Variants in RBM47 observed in about 807,000 individuals in gnomAD.
The protein encoded by RBM47 is RNA binding motif protein 47, also known as RNA-binding protein 47.
In RBM47, 21 loss-of-function variants were observed where a neutral mutation model predicts 47.1. That is an observed-to-expected ratio of 0.45 (90% CI 0.32 to 0.64). The LOEUF is 0.64. Ranked by LOEUF, RBM47 falls within the 30% of genes least tolerant of loss-of-function variation. The pLI is 0.05. For missense variants in RBM47, 708 were observed against 870.9 expected, an observed-to-expected ratio of 0.81 and a Z score of 2.35; for synonymous variants, 375 against 361.7, an observed-to-expected ratio of 1.04 and a Z score of -0.42.
chr4:40,555,703 C>T (rs967543651), intron 1 of RBM47, among the ~76,000 whole-genome samples: 3 of 152,220 alleles, frequency 2.0e-5, no homozygotes, highest in African/African-American at 7.2e-5. Flanking sequence ...TGCCTGCGGC[C>T]GCCACATCAT....
chr4:40,436,639 T>C lies in RBM47; in HGVS notation c.1132A>G (p.Ile378Val), dbSNP rs750466664. 2.5e-6 allele frequency: 4 copies of C among 1,613,916 alleles called. No individual in the cohort carries two copies. The highest frequency in any genetic ancestry group is 3.4e-6 in the Non-Finnish European group (4 of 1,179,934). The change falls in exon 5 of 7, where the codon ATA becomes GTA. Residue 378 changes from isoleucine (I) to valine (V), a missense_variant. Physicochemically the swap from Ile to Val is conservative, Grantham distance 29. Coordinates refer to ENST00000295971, the MANE Select transcript of RBM47 (RefSeq NM_001098634.2). ...GCTGCACCTCGCCCTCGGCCTCTTA[T>C]GCTGCCTGCTTGTAATAACAACACA... ...NRDYFVKAGS[I>V]RGRGRGAAGN...
rs963474879 is a variant in RBM47 at position 40,629,651 on chromosome 4, A to T, written c.-495T>A. ...CTTAACCTTGGAGACTTGCAGAGAG[A>T]AAGTCTCCAGGAGGACCGCTCCCCA... On this transcript the variant is annotated 5_prime_UTR_variant, in exon 1 of 7. Coordinates refer to ENST00000295971, the MANE Select transcript of RBM47 (RefSeq NM_001098634.2). 1.3e-5 allele frequency: 2 copies of T among 152,214 alleles called. No homozygotes were observed. Among genetic ancestry groups the T allele is most frequent in the African/African-American group, 4.8e-5 (2 of 41,438 alleles). 9.4% of individuals were successfully genotyped at this position (152,214 alleles called of 1,614,324 possible). A position where few individuals can be genotyped will look rare whatever the true frequency, so the allele number is the denominator to read the frequency against.
intron 3 of RBM47, among the ~76,000 whole-genome samples, chr4:40,439,606 T>C (rs1177102525): frequency 6.6e-6 from 1 of 152,218 alleles, no homozygotes; most frequent in African/African-American, 2.4e-5. Context: ...CTTGAAGAGC[T>C]AGACTGACTT....
chr4:40,595,250 C>T (rs1260411240), intron 1 of RBM47, among the ~76,000 whole-genome samples: 1 of 152,184 alleles, frequency 6.6e-6, no homozygotes, highest in Non-Finnish European at 1.5e-5. Context: ...ATTCCCAGCA[C>T]TTTGGGAGGC....
At chr4:40,440,679 C>A (rs1713485770) in intron 3 of RBM47, among the ~76,000 whole-genome samples, 1 of 152,156 alleles carries the variant, frequency 6.6e-6, no homozygotes, top group Non-Finnish European at 1.5e-5. Flanking sequence ...AGCCAGACTG[C>A]ATATGTTTGT....
intron 1 of RBM47, among the ~76,000 whole-genome samples, chr4:40,614,541 A>T (rs541963789): frequency 6.6e-6 from 1 of 152,184 alleles, no homozygotes; most frequent in South Asian, 2.1e-4. Context: ...GGGAAGCTTT[A>T]CAAGAGTCTT....
intron 2 of RBM47, among the ~76,000 whole-genome samples, chr4:40,537,630 A>AATGAT (rs1728113743): frequency 1.3e-5 from 2 of 152,160 alleles, no homozygotes; most frequent in African/African-American, 2.4e-5. Flanking sequence ...AGGGCAAATC[A>AATGAT]TTAAGTTTGG....
At chr4:40,435,772 G>A (rs1712236268) in intron 5 of RBM47, among the ~76,000 whole-genome samples, 1 of 152,034 alleles carries the variant, frequency 6.6e-6, no homozygotes, top group African/African-American at 2.4e-5. Flanking sequence ...AAGATACAGA[G>A]AGCCTCATGT....
intron 1 of RBM47, among the ~76,000 whole-genome samples, chr4:40,550,873 T>C (rs1003915493): frequency 4.0e-5 from 6 of 151,674 alleles, no homozygotes; most frequent in Non-Finnish European, 8.8e-5. Flanking sequence ...CCAAAATCAT[T>C]CTCTCTTTGA....
At chr4:40,489,363 C>T (rs1721551842) in intron 2 of RBM47, among the ~76,000 whole-genome samples, 1 of 152,008 alleles carries the variant, frequency 6.6e-6, no homozygotes, top group African/African-American at 2.4e-5. Flanking sequence ...ACTATAAAAA[C>T]AAAATAAAAG....
At chr4:40,604,836 C>T (rs918688725) in intron 1 of RBM47, among the ~76,000 whole-genome samples, 9 of 151,734 alleles carry the variant, frequency 5.9e-5, no homozygotes, top group African/African-American at 1.7e-4. Flanking sequence ...CCTGCCTCAG[C>T]CTCCTGAGTT....
chr4:40,583,128 A>G (rs1343196906), intron 1 of RBM47, among the ~76,000 whole-genome samples: 1 of 152,162 alleles, frequency 6.6e-6, no homozygotes, highest in East Asian at 1.9e-4. Flanking sequence ...AAAGGGAGAC[A>G]AAAGCAAGGT....
At chr4:40,468,479 G>A (rs1289601885) in intron 2 of RBM47, among the ~76,000 whole-genome samples, 1 of 152,132 alleles carries the variant, frequency 6.6e-6, no homozygotes, top group African/African-American at 2.4e-5. Context: ...GGATGTTGTC[G>A]GGAGGTGCCC....
chr4:40,443,137 G>GT (rs1409504351), intron 3 of RBM47, among the ~76,000 whole-genome samples: 3 of 152,134 alleles, frequency 2.0e-5, no homozygotes, highest in African/African-American at 7.2e-5. Flanking sequence ...AAGTAGACTA[G>GT]TGGTTACCAT....
intron 2 of RBM47, among the ~76,000 whole-genome samples, chr4:40,534,672 C>T (rs992498150): frequency 1.3e-5 from 2 of 152,164 alleles, no homozygotes; most frequent in Non-Finnish European, 1.5e-5. Flanking sequence ...CGGTGGCTCA[C>T]GCCTGTAATC....
At chr4:40,442,274 C>T (rs1024156998) in intron 3 of RBM47, among the ~76,000 whole-genome samples, 2 of 152,122 alleles carry the variant, frequency 1.3e-5, no homozygotes, top group East Asian at 1.9e-4. Context: ...TCTCTTACAC[C>T]AACTACAAGT....
At chr4:40,468,545 C>A (rs546727675) in intron 2 of RBM47, among the ~76,000 whole-genome samples, 51 of 152,144 alleles carry the variant, frequency 3.4e-4, no homozygotes, top group Non-Finnish European at 6.2e-4. Context: ...TTTAGGACTC[C>A]ATAGAGCACA....
In RBM47 at chr4:40,538,475, C is replaced by T. The variant is rs139238681; in HGVS notation, c.-155+5947G>A. 1.6e-4 allele frequency among the ~76,000 whole-genome samples: 25 copies of T among 151,982 alleles called. No homozygotes were observed. The East Asian group carries it at 4.1e-3, about 25-fold the overall frequency. On this transcript the variant is annotated intron_variant, in intron 2 of 6. Coordinates refer to ENST00000295971, the MANE Select transcript of RBM47 (RefSeq NM_001098634.2). ...CCAAGTAGCTGGGACTAGAGGCGCA[C>T]GTCACCACGGCCAGCTAATTTTTGT...
chr4:40,519,902 T>A (rs1015162414), intron 2 of RBM47, among the ~76,000 whole-genome samples: 1 of 151,860 alleles, frequency 6.6e-6, no homozygotes, highest in Non-Finnish European at 1.5e-5. Context: ...TCTCTTGACT[T>A]CATGATCCAC....
Sources: allele counts gnomAD v4.1 joint callset (sites outside exome capture counted in the v4.1 genomes callset), GRCh38; gene constraint gnomAD v4.1.1; transcripts MANE v1.5; gene names NCBI Gene and HGNC (gene_info 2026-07-23, HGNC 2026-07-21).